SLC25A48: variants seen among roughly 807,000 people sequenced by gnomAD.
SLC25A48 encodes the protein solute carrier family 25 member 48, also known as CTC-321K16.1.
Under a neutral mutation model 32.2 loss-of-function variants are expected in SLC25A48, and 29 were observed. That is an observed-to-expected ratio of 0.90 (90% confidence interval 0.67 to 1.23). The LOEUF is 1.23. SLC25A48 is among the 50% of genes most tolerant of loss of function. SLC25A48 has a pLI of 0.00. For missense variants in SLC25A48, 399 were observed against 422.7 expected, an observed-to-expected ratio of 0.94 and a Z score of 0.49; for synonymous variants, 164 against 172.3, an observed-to-expected ratio of 0.95 and a Z score of 0.38.
chr5:135,824,256 T>G (rs552934974), intron 4 of SLC25A48: 11 of 152,466 alleles, frequency 7.2e-5, no homozygotes, highest in African/African-American at 2.4e-4. Context: ...TGAGGCCCAT[T>G]GCTGGCTTTT....
chr5:135,786,162 A>C (rs1756844457), intron 3 of SLC25A48, among the ~76,000 whole-genome samples: 1 of 148,110 alleles, frequency 6.8e-6, no homozygotes, highest in Non-Finnish European at 1.5e-5. Context: ...ATCATATCCA[A>C]GTGGGGAGAC....
chr5:135,748,253 T>C (rs1458116355), intron 3 of SLC25A48, among the ~76,000 whole-genome samples: 1 of 152,240 alleles, frequency 6.6e-6, no homozygotes, highest in Non-Finnish European at 1.5e-5. Context: ...CCTTGGCTCT[T>C]AATCACTATA....
At chr5:135,840,407 C>T (rs573689888) in intron 1 of SLC25A48, among the ~76,000 whole-genome samples, 5 of 152,298 alleles carry the variant, frequency 3.3e-5, no homozygotes, top group Non-Finnish European at 5.9e-5. Context: ...TACCCTACCC[C>T]GCTTTTTGAG....
At chr5:135,770,391 G>A (rs1413917799) in intron 3 of SLC25A48, among the ~76,000 whole-genome samples, 1 of 151,576 alleles carries the variant, frequency 6.6e-6, no homozygotes, top group Non-Finnish European at 1.5e-5. Context: ...ATATTCTGGA[G>A]GGGAGGATGA....
At chr5:135,879,603 A>T (rs879937543) in intron 6 of SLC25A48, among the ~76,000 whole-genome samples, 7,205 of 129,274 alleles carry the variant, frequency 0.056, 217 homozygotes, top group Non-Finnish European at 0.072. Flanking sequence ...AGAGAGAGAG[A>T]GAGAGAGAGT....
At chr5:135,773,343 C>G (rs190190153) in intron 3 of SLC25A48, among the ~76,000 whole-genome samples, 2 of 151,304 alleles carry the variant, frequency 1.3e-5, no homozygotes, top group East Asian at 2.0e-4. Flanking sequence ...GTGTACACAC[C>G]TTGGATATTA....
chr5:135,640,919 T>C (rs957966305), intron 3 of SLC25A48, among the ~76,000 whole-genome samples: 1 of 152,186 alleles, frequency 6.6e-6, no homozygotes, highest in East Asian at 1.9e-4. Context: ...TGAACATTTT[T>C]CCCCTAAGAT....
intron 1 of SLC25A48, 122 bp from the exon 2 acceptor site, chr5:135,842,294 C>G (rs1431762298): frequency 1.0e-6 from 1 of 979,906 alleles, no homozygotes; most frequent in Admixed American, 1.7e-5. Context: ...GGAGCCCACC[C>G]ACTCCCCCTA....
intron 7 of SLC25A48, chr5:135,883,240 C>T (rs948882005): frequency 6.1e-6 from 6 of 985,484 alleles, no homozygotes; most frequent in Non-Finnish European, 7.2e-6. Flanking sequence ...GGCAGCGGAG[C>T]TTCTGCCTTG....
chr5:135,852,311 CATGTGTGGG>C (rs1759938032), intron 3 of SLC25A48, among the ~76,000 whole-genome samples: 1 of 152,208 alleles, frequency 6.6e-6, no homozygotes, highest in Non-Finnish European at 1.5e-5. Context: ...GCATGCATGG[CATGTGTGGG>C]TTCCAGGCCA....
At chr5:135,786,283 C>A (rs1041651175) in intron 3 of SLC25A48, among the ~76,000 whole-genome samples, 8 of 152,054 alleles carry the variant, frequency 5.3e-5, no homozygotes, top group African/African-American at 1.9e-4. Context: ...TGATACTATT[C>A]GTAATATTTT....
intron 1 of SLC25A48, among the ~76,000 whole-genome samples, chr5:135,627,634 C>T (rs1241536660): frequency 3.3e-5 from 5 of 152,206 alleles, no homozygotes; most frequent in Non-Finnish European, 5.9e-5. Context: ...CTCCTTCCCT[C>T]TTCCTCATCT....
intron 1 of SLC25A48, among the ~76,000 whole-genome samples, chr5:135,593,016 C>T (rs1316085068): frequency 6.6e-6 from 1 of 152,092 alleles, no homozygotes; most frequent in African/African-American, 2.4e-5. Context: ...AGCTCTAGCA[C>T]CTGTCAGGGG....
intron 5 of SLC25A48, chr5:135,872,839 T>A (rs748880973): frequency 5.2e-5 from 8 of 152,438 alleles, no homozygotes; most frequent in Non-Finnish European, 1.0e-4. Flanking sequence ...TGCTGTCAGC[T>A]CATAGCAGAC....
intron 3 of SLC25A48, among the ~76,000 whole-genome samples, chr5:135,725,581 C>T (rs1246701953): frequency 1.3e-5 from 2 of 152,192 alleles, no homozygotes; most frequent in African/African-American, 4.8e-5. Context: ...CCTCTCCTTC[C>T]TCAAGTTACC....
intron 3 of SLC25A48, among the ~76,000 whole-genome samples, chr5:135,770,335 C>T (rs35935827): frequency 0.31 from 46,563 of 151,126 alleles, 7,347 homozygotes; most frequent in East Asian, 0.46. Flanking sequence ...TAATATTACT[C>T]CCAATATCGC....
At chr5:135,876,131 CTTTTTTTTTT>C (rs1182130199) in intron 6 of SLC25A48, 2 of 24,398 alleles carry the variant, frequency 8.2e-5, no homozygotes, top group Non-Finnish European at 1.7e-4. Context: ...TTTTCTTCTT[CTTTTTTTTTT>C]TTTTTTTTTT....
intron 3 of SLC25A48, 52 bp downstream of exon 3, chr5:135,850,548 T>A: frequency 6.4e-7 from 1 of 1,569,910 alleles, no homozygotes. Flanking sequence ...CCCCACAGGC[T>A]GGGGACCAGG....
chr5:135,594,929 G>A (rs891463153), intron 1 of SLC25A48, among the ~76,000 whole-genome samples: 1 of 152,154 alleles, frequency 6.6e-6, no homozygotes, highest in African/African-American at 2.4e-5. Flanking sequence ...AGAAACTGAG[G>A]TGCAGTGAGG....
Sources: allele counts gnomAD v4.1 joint callset (sites outside exome capture counted in the v4.1 genomes callset), GRCh38; gene constraint gnomAD v4.1.1; transcripts MANE v1.5; gene names NCBI Gene and HGNC (gene_info 2026-07-23, HGNC 2026-07-21).